SFMBT1: variants seen among roughly 807,000 people sequenced by gnomAD.
The protein encoded by SFMBT1 is Scm like with four mbt domains 1, also known as scm-like with four MBT domains protein 1.
A neutral mutation model predicts 108.7 loss-of-function variants in SFMBT1; 32 were observed. The ratio of observed to expected loss-of-function variants is 0.29; its 90% CI spans 0.22 to 0.40. SFMBT1 has a LOEUF of 0.40. SFMBT1 is among the 10% of genes least tolerant of loss of function. The probability of loss-of-function intolerance (pLI) is 1.00; values close to 1 mark genes in which losing one functional copy is unlikely to be tolerated. For synonymous variants in SFMBT1, 348 were observed against 369.5 expected, an observed-to-expected ratio of 0.94 and a Z score of 0.67; for missense variants, 816 against 1,059.6, an observed-to-expected ratio of 0.77 and a Z score of 3.19.
At chr3:52,964,346 T>C (rs76543322) in intron 2 of SFMBT1, among the ~76,000 whole-genome samples, 3,466 of 151,988 alleles carry the variant, frequency 0.023, 136 homozygotes, top group African/African-American at 0.08. Flanking sequence ...CAAGACCCCA[T>C]CTCTACAAAA....
chr3:53,040,980 T>TTTTTTTTTG (rs1700029615), intron 1 of SFMBT1, among the ~76,000 whole-genome samples: 1 of 87,802 alleles, frequency 1.1e-5, no homozygotes, highest in Non-Finnish European at 2.3e-5. Context: ...TTTTTTTTTT[T>TTTTTTTTTG]TTTTTTTTTT....
chr3:52,999,586 G>A (rs1358675358), intron 1 of SFMBT1, among the ~76,000 whole-genome samples: 2 of 150,232 alleles, frequency 1.3e-5, no homozygotes, highest in East Asian at 2.0e-4. Context: ...ATGTTCAAAC[G>A]CTCCAGAAGA....
intron 2 of SFMBT1, among the ~76,000 whole-genome samples, chr3:52,964,426 A>G (rs753992968): frequency 5.9e-5 from 9 of 152,222 alleles, no homozygotes; most frequent in Non-Finnish European, 1.2e-4. Context: ...AGGTGGGAAG[A>G]TCACCTGAAC....
intron 4 of SFMBT1, among the ~76,000 whole-genome samples, chr3:52,942,560 TG>T (rs1328632819): frequency 6.6e-6 from 1 of 152,224 alleles, no homozygotes. Context: ...TCACCCAGGC[TG>T]GAGTGCAGTG....
intron 1 of SFMBT1, among the ~76,000 whole-genome samples, chr3:53,013,278 G>GTAA (rs1358357458): frequency 6.6e-6 from 1 of 151,632 alleles, no homozygotes; most frequent in Non-Finnish European, 1.5e-5. Context: ...AATGGTAAGG[G>GTAA]TAATCATTCT....
At chr3:52,992,561 G>A (rs372257305) in intron 1 of SFMBT1, among the ~76,000 whole-genome samples, 197 of 152,248 alleles carry the variant, frequency 1.3e-3, no homozygotes, top group African/African-American at 4.6e-3. Context: ...GGGTAAATCT[G>A]CTCAGTTAAT....
Position 53,013,615 on chromosome 3 carries a change from CTTTTTTTTTTTTTTTTT to C in SFMBT1, c.-131+32184_-131+32200del, listed in dbSNP as rs397989629. ...GGAACACAGTTTATTTATAAAGAAT[CTTTTTTTTTTTTTTTTT>C]TTTTTTTTTTTTTTGAGATGGAGTC... On this transcript the variant is annotated intron_variant, in intron 1 of 20. Transcript: ENST00000394752. Among the ~76,000 whole-genome samples the C allele has an allele frequency of 3.1e-4, 18 of 58,098 alleles. No homozygotes were observed. In the East Asian group the frequency reaches 6.5e-3, roughly 21 times the overall value. The allele number at this position is 58,098 out of a possible 152,430, so 38.1% of individuals were successfully genotyped here.
At chr3:52,974,866 G>A (rs150517038) in intron 1 of SFMBT1, among the ~76,000 whole-genome samples, 3,237 of 147,936 alleles carry the variant, frequency 0.022, 55 homozygotes, top group Non-Finnish European at 0.034. Flanking sequence ...AATTAGCTGA[G>A]TGTGGTGGCA....
chr3:52,940,832 A>G (rs1703157567), intron 4 of SFMBT1, among the ~76,000 whole-genome samples: 1 of 150,304 alleles, frequency 6.7e-6, no homozygotes, highest in Non-Finnish European at 1.5e-5. Context: ...TAATCAAGTG[A>G]TGGAAGTTAA....
At chr3:53,026,568 G>A (rs926042266) in intron 1 of SFMBT1, among the ~76,000 whole-genome samples, 3 of 151,480 alleles carry the variant, frequency 2.0e-5, no homozygotes, top group African/African-American at 7.4e-5. Context: ...GCATGTTCAT[G>A]GCCACAAGTT....
At chr3:52,945,161 C>T (rs1277001426) in intron 3 of SFMBT1, among the ~76,000 whole-genome samples, 6 of 41,212 alleles carry the variant, frequency 1.5e-4, no homozygotes, top group African/African-American at 4.6e-4. Context: ...ACAAGGACTT[C>T]AGGGAAAAAA....
At chr3:53,017,625 G>A (rs1016242764) in intron 1 of SFMBT1, among the ~76,000 whole-genome samples, 1 of 152,068 alleles carries the variant, frequency 6.6e-6, no homozygotes, top group African/African-American at 2.4e-5. Flanking sequence ...GGAACAAGAA[G>A]GAACTTAAAG....
chr3:53,037,595 TA>T (rs1362008910), intron 1 of SFMBT1, among the ~76,000 whole-genome samples: 1 of 152,188 alleles, frequency 6.6e-6, no homozygotes, highest in Non-Finnish European at 1.5e-5. Context: ...CATAAACACC[TA>T]TAACAACAAT....
intron 1 of SFMBT1, among the ~76,000 whole-genome samples, chr3:53,023,505 C>A (rs1699381974): frequency 6.6e-6 from 1 of 152,194 alleles, no homozygotes; most frequent in Admixed American, 6.5e-5. Flanking sequence ...AAATTTATCT[C>A]CATACATGAA....
intron 2 of SFMBT1, among the ~76,000 whole-genome samples, chr3:52,965,607 G>A (rs1408564752): frequency 6.6e-6 from 1 of 151,986 alleles, no homozygotes; most frequent in African/African-American, 2.4e-5. Flanking sequence ...TTCAACCCAG[G>A]ATTCCATATC....
chr3:52,932,598 A>C (rs552865079), intron 5 of SFMBT1, among the ~76,000 whole-genome samples: 17 of 152,352 alleles, frequency 1.1e-4, no homozygotes, highest in Middle Eastern at 3.4e-3. Context: ...TTAAAATATC[A>C]TCATTCCTCA....
intron 1 of SFMBT1, among the ~76,000 whole-genome samples, chr3:52,986,266 C>T (rs980018465): frequency 6.6e-6 from 1 of 151,960 alleles, no homozygotes; most frequent in Admixed American, 6.6e-5. Flanking sequence ...AATGTGAAGG[C>T]CTGGGATATT....
chr3:52,931,145 A>G (rs753032477), intron 6 of SFMBT1, 110 bp from the exon 7 acceptor site: 4 of 960,234 alleles, frequency 4.2e-6, no homozygotes, highest in Non-Finnish European at 6.4e-6. Flanking sequence ...TGGAACTAGA[A>G]AAGGGTTCAA....
intron 1 of SFMBT1, among the ~76,000 whole-genome samples, chr3:53,003,759 C>CAAAAA (rs370165165): frequency 2.4e-5 from 2 of 81,932 alleles, no homozygotes. Context: ...ATAGAAAGGT[C>CAAAAA]AAAAAAAAAA....
Sources: allele counts gnomAD v4.1 joint callset (sites outside exome capture counted in the v4.1 genomes callset), GRCh38; gene constraint gnomAD v4.1.1; transcripts MANE v1.5; gene names NCBI Gene and HGNC (gene_info 2026-07-23, HGNC 2026-07-21).